ZZEF1: variants seen among roughly 807,000 people sequenced by gnomAD.
ZZEF1 encodes zinc finger ZZ-type and EF-hand domain containing 1.
Under a neutral mutation model 342.8 loss-of-function variants are expected in ZZEF1, and 157 were observed. The ratio of observed to expected loss-of-function variants is 0.46; its 90% confidence interval spans 0.40 to 0.52. The LOEUF is 0.52. ZZEF1 is among the 20% of genes least tolerant of loss of function. ZZEF1 has a pLI of 0.00. For synonymous variants in ZZEF1, 1,505 were observed against 1,429.1 expected, an observed-to-expected ratio of 1.05 and a Z score of -1.20; for missense variants, 3,480 against 3,725.6, an observed-to-expected ratio of 0.93 and a Z score of 1.72.
At chr17:4,138,093 GAGTT>G (rs1372314673) in intron 1 of ZZEF1, among the ~76,000 whole-genome samples, 1 of 152,172 alleles carries the variant, frequency 6.6e-6, no homozygotes, top group African/African-American at 2.4e-5. Flanking sequence ...TTAGCTGAGA[GAGTT>G]AGGCTGATGT....
intron 52 of ZZEF1, among the ~76,000 whole-genome samples, chr17:4,010,816 T>C (rs191709638): frequency 2.6e-5 from 4 of 152,046 alleles, no homozygotes. Flanking sequence ...TATACAGCAT[T>C]TTCTCTATGC....
At chr17:4,044,409 C>T (rs770911984) in intron 37 of ZZEF1, 35 bp from the exon 38 acceptor site, 5 of 1,576,014 alleles carry the variant, frequency 3.2e-6, no homozygotes, top group Non-Finnish European at 3.4e-6. Context: ...ATTAAGGTTT[C>T]TTATAACAAA....
chr17:4,025,379 A>G (rs1191947607), intron 42 of ZZEF1, among the ~76,000 whole-genome samples: 4 of 152,148 alleles, frequency 2.6e-5, no homozygotes, highest in Admixed American at 6.6e-5. Flanking sequence ...GGTGTTAACA[A>G]AAGTTCTTAA....
Position 4,074,015 on chromosome 17 carries a change from T to G in ZZEF1, c.3685+135A>C, listed in dbSNP as rs2057559732. ...TGGTATTGAGTGGACACTTTATTCTTTCGGTTTAAAGGAAACTGAAAAGGC... is the reference window on the plus strand; with the variant it reads ...TGGTATTGAGTGGACACTTTATTCTGTCGGTTTAAAGGAAACTGAAAAGGC... On this transcript the variant is annotated intron_variant, in intron 24 of 54. Coordinates refer to ENST00000381638, the MANE Select transcript of ZZEF1 (RefSeq NM_015113.4). 3 of 1,019,424 alleles carry G rather than the reference T, an allele frequency of 2.9e-6. No homozygotes were observed. The Admixed American group carries it at 7.3e-5, about 25-fold the overall frequency. 63.1% of individuals were successfully genotyped at this position (1,019,424 alleles called of 1,614,324 possible). A position where few individuals can be genotyped will look rare whatever the true frequency, so the allele number is the denominator to read the frequency against.
At chr17:4,118,760 A>G (rs552681640) in intron 2 of ZZEF1, among the ~76,000 whole-genome samples, 6 of 152,322 alleles carry the variant, frequency 3.9e-5, no homozygotes, top group South Asian at 4.1e-4. Flanking sequence ...CTTAGAAAGA[A>G]TATCTTCACA....
chr17:4,017,064 A>T lies in ZZEF1; in HGVS notation c.8001+307T>A. On this transcript the variant is annotated intron_variant, in intron 48 of 54. Transcript: ENST00000381638. This position sits in a 1 kb window ranked among gnomAD's most constrained non-coding sequence, Gnocchi z 5.1. The stretch of plus-strand genomic sequence containing the variant: ...CTCATGGACTGCGTGTGTGTGTGTG[A>T]AGGTGGGTGAGGGACAGGATCAAAA... The T allele has an allele frequency of 2.9e-6, 1 of 342,498 alleles. No individual in the cohort carries two copies. Among genetic ancestry groups the T allele is most frequent in the Non-Finnish European group, 5.5e-6 (1 of 181,956 alleles). The allele number at this position is 342,498 out of a possible 1,614,324, so 21.2% of individuals were successfully genotyped here. A position where few individuals can be genotyped will look rare whatever the true frequency, so the allele number is the denominator to read the frequency against.
At position 4,009,065 on chromosome 17, in the gene ZZEF1, G is replaced by A. The variant is rs1472467856; in HGVS notation, c.8734-111C>T. On this transcript the variant is annotated intron_variant, in intron 53 of 54. Coordinates refer to ENST00000381638, the MANE Select transcript of ZZEF1 (RefSeq NM_015113.4). The stretch of plus-strand genomic sequence containing the variant: ...AAGCAGAAGCCTCTCATGGGCGGAC[G>A]CTACTCACGCCGCCCAGCACCGCGT... 4.7e-6 allele frequency: 6 copies of A among 1,280,344 alleles called. No individual in the cohort carries two copies. The African/African-American group carries it at 8.9e-5, about 19-fold the overall frequency. The allele number at this position is 1,280,344 out of a possible 1,614,324, so 79.3% of individuals were successfully genotyped here.
Position 4,114,316 on chromosome 17 carries a change from G to A in ZZEF1, c.849C>T (p.Ala283=). The change falls in exon 4 of 55, where the codon GCC becomes GCT. Residue 283 remains alanine, a synonymous_variant. Transcript: ENST00000381638. Reference sequence around the variant, plus strand: ...CCACCCACCGAATCCAGTGTGAACAGGCACTGCCATCTGACTGCCAGTAGG... The same window carrying A: ...CCACCCACCGAATCCAGTGTGAACAAGCACTGCCATCTGACTGCCAGTAGG... The part of the protein sequence containing the change: ...TSSYWQSDGS[A]CSHWIRLKMK... The A allele has an allele frequency of 6.2e-7, 1 of 1,603,446 alleles. No homozygotes were observed. The highest frequency in any genetic ancestry group is 1.3e-5 in the African/African-American group (1 of 74,474).
Position 4,015,371 on chromosome 17 carries a change from C to T in ZZEF1, c.8146-856G>A, listed in dbSNP as rs543960374. On this transcript the variant is annotated intron_variant, in intron 49 of 54. Coordinates refer to ENST00000381638, the MANE Select transcript of ZZEF1 (RefSeq NM_015113.4). ...GCTGGCCAATAACCCAGTTCTAAAT[C>T]GGTTTTCATCATCCACCTTCGCTGC... Among the ~76,000 whole-genome samples, 9 of 152,370 alleles carry T rather than the reference C, an allele frequency of 5.9e-5. No homozygotes were observed. The South Asian group carries it at 1.0e-3, about 18-fold the overall frequency.
intron 30 of ZZEF1, among the ~76,000 whole-genome samples, chr17:4,061,137 G>T (rs2057278999): frequency 6.6e-6 from 1 of 152,198 alleles, no homozygotes; most frequent in Non-Finnish European, 1.5e-5. Context: ...CAGTAAGACT[G>T]CTGTCAAATC....
intron 16 of ZZEF1, among the ~76,000 whole-genome samples, chr17:4,083,744 T>A (rs1035959117): frequency 1.3e-5 from 2 of 151,660 alleles, no homozygotes; most frequent in African/African-American, 2.4e-5. Context: ...TTCAAGCAAT[T>A]CTCCTGCTTC....
Position 4,009,830 on chromosome 17 carries a change from G to C in ZZEF1, c.8580-73C>G. 14 of 1,534,004 alleles carry C rather than the reference G, an allele frequency of 9.1e-6. No homozygotes were observed. The South Asian group carries it at 1.7e-4, about 18-fold the overall frequency. ...AGGTCACATGGCTTACAGCTGGCAG[G>C]AACCACAGCTCAGACCCTCCCTCTC... On this transcript the variant is annotated intron_variant, in intron 52 of 54. Transcript: ENST00000381638.
chr17:4,037,447 A>G (rs1006361574), intron 39 of ZZEF1, among the ~76,000 whole-genome samples: 1 of 152,236 alleles, frequency 6.6e-6, no homozygotes, highest in Non-Finnish European at 1.5e-5. Flanking sequence ...AACCCCAAAG[A>G]GGAGGACATT....
In ZZEF1 at chr17:4,076,638, T is replaced by C; in HGVS notation, c.3233A>G (p.Lys1078Arg). 2 of 1,607,530 alleles carry C rather than the reference T, an allele frequency of 1.2e-6. No individual in the cohort carries two copies. The highest frequency in any genetic ancestry group is 1.7e-6 in the Non-Finnish European group (2 of 1,175,962). The change falls in exon 21 of 55, where the codon AAG becomes AGG. Residue 1078 changes from lysine to arginine, a missense_variant and splice_region_variant. Physicochemically the swap from Lys to Arg is conservative, Grantham distance 26. This residue lies in a region of ZZEF1 where 1,528 missense variants were observed against 1,624.1 expected (regional missense o/e 0.94). Transcript: ENST00000381638. ...LCSGPEGGLRKLDVETWQQEQ... is the reference protein window; with the variant it reads ...LCSGPEGGLRRLDVETWQQEQ... ...GGCTCAAGTGCTGACTCGAGTTACC[T>C]TCCTCAGTCCTCCTTCGGGGCCACT... is the stretch of plus-strand genomic sequence containing the variant.
chr17:4,063,022 C>A, intron 29 of ZZEF1, 105 bp from the exon 30 acceptor site: 1 of 1,208,084 alleles, frequency 8.3e-7, no homozygotes, highest in South Asian at 1.7e-5. Flanking sequence ...AGAGGAAACA[C>A]TATTGTGAGG....
At chr17:4,031,381 GAAGT>G (rs1208287586) in intron 42 of ZZEF1, among the ~76,000 whole-genome samples, 5 of 148,980 alleles carry the variant, frequency 3.4e-5, no homozygotes, top group Non-Finnish European at 7.5e-5. Context: ...GTGTAGTACT[GAAGT>G]AAGGACATAT....
rs544157074 is a variant in ZZEF1, at chr17:4,122,504, C to T, written c.499+1403G>A. Among the ~76,000 whole-genome samples the T allele has an allele frequency of 9.3e-4, 141 of 152,090 alleles. 4 individuals are homozygous for T. In the South Asian group the frequency reaches 0.026, roughly 28 times the overall value. The stretch of plus-strand genomic sequence containing the variant: ...AAGTGATTCTCCTGCCTTAGCCTCC[C>T]GAATAGCTGGGATTACAGGCATGCA... On this transcript the variant is annotated intron_variant, in intron 2 of 54. Coordinates refer to ENST00000381638, the MANE Select transcript of ZZEF1 (RefSeq NM_015113.4).
chr17:4,089,504 G>C (rs2057904471), intron 12 of ZZEF1, among the ~76,000 whole-genome samples: 1 of 152,242 alleles, frequency 6.6e-6, no homozygotes, highest in African/African-American at 2.4e-5. Flanking sequence ...TACATCCAAG[G>C]TTTAGCAAAA....
At chr17:4,126,865 G>A (rs148359725) in intron 1 of ZZEF1, among the ~76,000 whole-genome samples, 46 of 152,182 alleles carry the variant, frequency 3.0e-4, no homozygotes, top group African/African-American at 1.1e-3. Flanking sequence ...TACTCCAGAG[G>A]CTGAGGCACG....
Sources: gnomAD v4.1 joint callset for allele counts (sites outside exome capture counted in the v4.1 genomes callset) on GRCh38, gnomAD v4.1.1 for gene constraint, gnomAD v4.1.1 regional missense constraint, Gnocchi (gnomAD v3.1) non-coding constraint, MANE v1.5 for transcripts, NCBI Gene and HGNC (gene_info 2026-07-23, HGNC 2026-07-21) for gene names.